The following NLGN1 variants were observed in gnomAD, a reference collection of about 807,000 sequenced individuals.
The protein encoded by NLGN1 is neuroligin 1.
Under a neutral mutation model 65.5 loss-of-function variants are expected in NLGN1, and 12 were observed. The observed-to-expected ratio is 0.18, with a 90% confidence interval of 0.12 to 0.30. The LOEUF (loss-of-function observed/expected upper bound fraction) is 0.30. NLGN1 is among the 10% of genes least tolerant of loss of function. The pLI is 1.00. For synonymous variants in NLGN1, 350 were observed against 359.5 expected (o/e 0.97, Z 0.30); for missense variants, 750 against 1,007.1 (o/e 0.74, Z 3.46).
intron 4 of NLGN1, among the ~76,000 whole-genome samples, chr3:173,953,024 C>T (rs549609419): frequency 1.3e-5 from 2 of 152,228 alleles, no homozygotes; most frequent in South Asian, 4.1e-4. Flanking sequence ...AGTGATCCAC[C>T]CACCTTGGCC....
At chr3:173,561,716 AT>A (rs1244984937) in intron 2 of NLGN1, among the ~76,000 whole-genome samples, 29 of 152,306 alleles carry the variant, frequency 1.9e-4, no homozygotes, top group African/African-American at 6.5e-4. Context: ...TAATCAACAG[AT>A]TCATTGAATT....
At chr3:173,577,663 TTAAC>T (rs1431221900) in intron 2 of NLGN1, among the ~76,000 whole-genome samples, 4 of 152,340 alleles carry the variant, frequency 2.6e-5, no homozygotes, top group South Asian at 2.1e-4. Context: ...GTCATTCTGT[TTAAC>T]TAAATCATTC....
chr3:173,880,489 A>G (rs182012960), intron 4 of NLGN1, among the ~76,000 whole-genome samples: 3 of 149,884 alleles, frequency 2.0e-5, no homozygotes, highest in African/African-American at 7.3e-5. Context: ...ATTCACACAA[A>G]TTTTTTTTTT....
At chr3:174,063,872 C>G (rs1183699250) in intron 4 of NLGN1, among the ~76,000 whole-genome samples, 3 of 151,870 alleles carry the variant, frequency 2.0e-5, no homozygotes, top group African/African-American at 7.3e-5. Context: ...AAAGCAGATC[C>G]TAAAGGATTA....
chr3:173,701,707 C>T (rs2149884389), intron 3 of NLGN1, among the ~76,000 whole-genome samples: 1 of 152,310 alleles, frequency 6.6e-6, no homozygotes, highest in African/African-American at 2.4e-5. Flanking sequence ...GATTCAGACA[C>T]AGCCTTAAGC....
At chr3:173,539,659 GTA>G (rs1186354006) in intron 2 of NLGN1, among the ~76,000 whole-genome samples, 5 of 138,716 alleles carry the variant, frequency 3.6e-5, no homozygotes, top group African/African-American at 1.4e-4. Flanking sequence ...TAACATATGT[GTA>G]TATATGCACA....
At chr3:174,041,810 T>C (rs1732380081) in intron 4 of NLGN1, among the ~76,000 whole-genome samples, 1 of 152,306 alleles carries the variant, frequency 6.6e-6, no homozygotes, top group East Asian at 1.9e-4. Flanking sequence ...AATTGAATTA[T>C]TGGGAGTCCT....
chr3:173,517,794 C>CTATCTATCTATCTATCTATT (rs758010757), intron 2 of NLGN1, among the ~76,000 whole-genome samples: 23 of 151,596 alleles, frequency 1.5e-4, no homozygotes, highest in Middle Eastern at 6.8e-3. Flanking sequence ...ATCTATCTAT[C>CTATCTATCTATCTATCTATT]TATCTATCAT....
exon 7 of NLGN1, chr3:174,284,841 A>G (rs1222909580): frequency 6.6e-6 from 1 of 151,440 alleles, no homozygotes; most frequent in Non-Finnish European, 1.5e-5. Flanking sequence ...ATATTATTTT[A>G]TTCCTCATTT....
At chr3:174,201,346 TGAAGGAAGGAAG>T (rs750062965) in intron 4 of NLGN1, among the ~76,000 whole-genome samples, 7 of 27,638 alleles carry the variant, frequency 2.5e-4, no homozygotes, top group African/African-American at 5.0e-4. Flanking sequence ...GTGGGAGGAA[TGAAGGAAGGAAG>T]GAAGGAAGGA....
chr3:173,862,302 C>G (rs868620230), intron 4 of NLGN1, among the ~76,000 whole-genome samples: 2 of 150,894 alleles, frequency 1.3e-5, no homozygotes, highest in South Asian at 2.1e-4. Context: ...GTCGGGAGAT[C>G]GAGACCATCC....
chr3:173,849,440 A>C (rs970570697), intron 4 of NLGN1, among the ~76,000 whole-genome samples: 3 of 152,184 alleles, frequency 2.0e-5, no homozygotes, highest in African/African-American at 7.2e-5. Flanking sequence ...TAGGCAAAAC[A>C]AGAGACTGCA....
At chr3:174,037,889 GA>G (rs1384544007) in intron 4 of NLGN1, among the ~76,000 whole-genome samples, 1 of 149,072 alleles carries the variant, frequency 6.7e-6, no homozygotes, top group Non-Finnish European at 1.5e-5. Flanking sequence ...AAACATTATT[GA>G]AGCAGGATGT....
chr3:174,190,531 C>T (rs1732193325), intron 4 of NLGN1, among the ~76,000 whole-genome samples: 1 of 151,910 alleles, frequency 6.6e-6, no homozygotes, highest in African/African-American at 2.4e-5. Flanking sequence ...CAACTATGTT[C>T]ACTGAAATCA....
intron 4 of NLGN1, among the ~76,000 whole-genome samples, chr3:174,124,203 TTTG>T (rs1168510303): frequency 6.6e-6 from 1 of 152,108 alleles, no homozygotes; most frequent in Non-Finnish European, 1.5e-5. Flanking sequence ...GAAAATAATT[TTTG>T]TTGTTTAAGC....
rs148991659 is a variant in NLGN1, at chr3:174,046,891, G to C, written c.647-228424G>C. 2.0e-5 allele frequency among the ~76,000 whole-genome samples: 3 copies of C among 152,180 alleles called. No homozygotes were observed. In the East Asian group the frequency reaches 5.8e-4, roughly 29 times the overall value. On this transcript the variant is annotated intron_variant, in intron 4 of 6. Transcript: ENST00000457714. ...ACAGAAGTGAAAAGTGAATGGGTAT[G>C]AGAGTTGTATAGTATAGTTAAGAAA...
intron 3 of NLGN1, among the ~76,000 whole-genome samples, chr3:173,645,503 G>A (rs1478409556): frequency 6.6e-6 from 1 of 152,138 alleles, no homozygotes; most frequent in Non-Finnish European, 1.5e-5. Context: ...TGGTCTAGTG[G>A]GCTGTGGCAG....
At chr3:174,236,786 T>A (rs1741797468) in intron 4 of NLGN1, among the ~76,000 whole-genome samples, 1 of 152,238 alleles carries the variant, frequency 6.6e-6, no homozygotes, top group South Asian at 2.1e-4. Context: ...TTAGTCTTAT[T>A]TGAACTTTTG....
chr3:174,174,724 C>T (rs1729134885), intron 4 of NLGN1, among the ~76,000 whole-genome samples: 1 of 151,500 alleles, frequency 6.6e-6, no homozygotes, highest in Admixed American at 6.6e-5. Flanking sequence ...GGGTATTAGT[C>T]CTTGATGCAT....
Sources: gnomAD v4.1 joint callset for allele counts (sites outside exome capture counted in the v4.1 genomes callset) on GRCh38, gnomAD v4.1.1 for gene constraint, MANE v1.5 for transcripts, NCBI Gene and HGNC (gene_info 2026-07-23, HGNC 2026-07-21) for gene names.